TMEM62: variants seen among roughly 807,000 people sequenced by gnomAD.
TMEM62 encodes the protein transmembrane protein 62.
Under a neutral mutation model 70.4 loss-of-function variants are expected in TMEM62, and 41 were observed. That is an observed-to-expected ratio of 0.58 (90% CI 0.45 to 0.76). TMEM62 has a LOEUF of 0.76. Among genes scored for constraint, TMEM62 ranks in the 30% least tolerant of loss-of-function variants. TMEM62 has a pLI of 0.00. For missense variants in TMEM62, 688 were observed against 788.5 expected (o/e 0.87, Z 1.53); for synonymous variants, 268 against 291.0 (o/e 0.92, Z 0.80).
chr15:43,150,077 T>C (rs1009924064), intron 7 of TMEM62, among the ~76,000 whole-genome samples: 1 of 152,338 alleles, frequency 6.6e-6, no homozygotes, highest in African/African-American at 2.4e-5. Context: ...TCTCAGATAA[T>C]AGGTACTCAG....
At chr15:43,177,519 A>G (rs900665798) in intron 11 of TMEM62, among the ~76,000 whole-genome samples, 5 of 152,122 alleles carry the variant, frequency 3.3e-5, no homozygotes, top group Admixed American at 6.5e-5. Context: ...CCAAAAGACT[A>G]TAAATCATGC....
At position 43,184,638 on chromosome 15, in the gene TMEM62, T is replaced by C. The variant is rs2041727592; in HGVS notation, c.*52T>C. 2 of 1,538,020 alleles carry C rather than the reference T, an allele frequency of 1.3e-6. No homozygotes were observed. The highest frequency in any genetic ancestry group is 1.1e-5 in the South Asian group (1 of 87,208). Reference sequence around the variant, plus strand: ...GGCAGAAGCCCAGCCTCTGTGTCTGTAGCCCAGGCCTCTACCCCAGTAGCA... The same window carrying C: ...GGCAGAAGCCCAGCCTCTGTGTCTGCAGCCCAGGCCTCTACCCCAGTAGCA... On this transcript the variant is annotated 3_prime_UTR_variant, in exon 14 of 14. Coordinates refer to ENST00000260403, the MANE Select transcript of TMEM62 (RefSeq NM_024956.4).
chr15:43,163,137 T>C (rs963688675), intron 10 of TMEM62, among the ~76,000 whole-genome samples: 1 of 151,990 alleles, frequency 6.6e-6, no homozygotes, highest in East Asian at 1.9e-4. Context: ...TGGTAATTTA[T>C]ACTGTAGTTC....
At chr15:43,182,453 C>CTT (rs1216767686) in intron 13 of TMEM62, among the ~76,000 whole-genome samples, 6 of 142,122 alleles carry the variant, frequency 4.2e-5, no homozygotes, top group South Asian at 2.2e-4. Context: ...CTTTTCTTTT[C>CTT]TTTTTTTTTT....
chr15:43,161,203 C>A (rs2038665942), intron 10 of TMEM62, among the ~76,000 whole-genome samples: 1 of 152,012 alleles, frequency 6.6e-6, no homozygotes, highest in Admixed American at 6.6e-5. Flanking sequence ...AAAGTTGAAT[C>A]TTATAAAATT....
intron 12 of TMEM62, chr15:43,180,912 G>A: frequency 3.7e-6 from 1 of 272,048 alleles, no homozygotes; most frequent in Non-Finnish European, 6.9e-6. Context: ...AAATGTGAGT[G>A]TGCTTTTTTT....
At chr15:43,183,725 C>T (rs750060656) in intron 13 of TMEM62, among the ~76,000 whole-genome samples, 1 of 151,630 alleles carries the variant, frequency 6.6e-6, no homozygotes, top group Non-Finnish European at 1.5e-5. Context: ...GCCATTGTGT[C>T]CCCAACTTGG....
chr15:43,177,060 T>A (rs1315270705), intron 11 of TMEM62, among the ~76,000 whole-genome samples: 2 of 152,060 alleles, frequency 1.3e-5, no homozygotes, highest in Non-Finnish European at 2.9e-5. Flanking sequence ...CAGGAGCCGA[T>A]GCGATCAACT....
intron 13 of TMEM62, 183 bp from the exon 14 acceptor site, chr15:43,184,077 G>A (rs2041656756): frequency 1.6e-6 from 1 of 607,662 alleles, no homozygotes; most frequent in South Asian, 2.1e-5. Flanking sequence ...ATGAATAAAA[G>A]GACATGGGCA....
Position 43,162,433 on chromosome 15 carries a change from C to CTTTTTTTTTTTTTT in TMEM62, c.1296+1652_1296+1653insTTTTTTTTTTTTTT, listed in dbSNP as rs1169921008. On this transcript the variant is annotated intron_variant, in intron 10 of 13. Coordinates refer to ENST00000260403, the MANE Select transcript of TMEM62 (RefSeq NM_024956.4). ...CAGGCGTGAGCCACTGCCCCTGGCC[C>CTTTTTTTTTTTTTT]TTTTTTTTTTTTTGTTGAGCTGGAG... 8.6e-4 allele frequency among the ~76,000 whole-genome samples: 118 copies of CTTTTTTTTTTTTTT among 136,966 alleles called. 1 individual carries two copies. Among genetic ancestry groups the CTTTTTTTTTTTTTT allele is most frequent in the African/African-American group, 3.1e-3 (100 of 32,510 alleles). The allele number at this position is 136,966 out of a possible 152,430, so 89.9% of individuals were successfully genotyped here. A position where few individuals can be genotyped will look rare whatever the true frequency, so the allele number is the denominator to read the frequency against.
intron 11 of TMEM62, among the ~76,000 whole-genome samples, chr15:43,172,008 T>A (rs1467893381): frequency 1.3e-5 from 2 of 152,176 alleles, no homozygotes; most frequent in Non-Finnish European, 2.9e-5. Flanking sequence ...TATATTAACA[T>A]CTCATGAATA....
intron 10 of TMEM62, among the ~76,000 whole-genome samples, chr15:43,168,031 G>A (rs2039740040): frequency 6.6e-6 from 1 of 152,068 alleles, no homozygotes. Flanking sequence ...GGCTGAGGCA[G>A]GAGACTCAGG....
intron 9 of TMEM62, among the ~76,000 whole-genome samples, chr15:43,159,807 C>T (rs761164541): frequency 3.9e-5 from 6 of 152,170 alleles, no homozygotes; most frequent in East Asian, 3.9e-4. Flanking sequence ...ATTTTGAGAC[C>T]GCAACCTGGG....
In TMEM62 at chr15:43,134,015, G is replaced by T. The variant is rs548344578; in HGVS notation, c.180+33G>T. ...GGCGGGAAGCCGGGCCGGGAGGCAG[G>T]TGCAGATCGGGCACCGTGCGGTGGG... On this transcript the variant is annotated intron_variant, in intron 1 of 13. Transcript: ENST00000260403. The T allele has an allele frequency of 3.5e-5, 51 of 1,436,884 alleles. No individual in the cohort carries two copies. In the South Asian group the frequency reaches 5.9e-4, roughly 17 times the overall value. The allele number at this position is 1,436,884 out of a possible 1,614,324, so 89.0% of individuals were successfully genotyped here.
At chr15:43,164,063 C>A (rs1187375306) in intron 10 of TMEM62, among the ~76,000 whole-genome samples, 1 of 152,158 alleles carries the variant, frequency 6.6e-6, no homozygotes, top group East Asian at 1.9e-4. Flanking sequence ...AACAAAGTAT[C>A]CTTCTCCCAG....
chr15:43,178,712 G>A lies in TMEM62; in HGVS notation c.1486+1G>A, dbSNP rs748734924. The A allele has an allele frequency of 6.3e-7, 1 of 1,580,244 alleles. No individual in the cohort carries two copies. Among genetic ancestry groups the A allele is most frequent in the South Asian group, 1.1e-5 (1 of 87,222 alleles). ...TTGTTGACCCTGTATACAGTGCTGGGTAAGTAAATTAGTACAGATTATGGG... is the reference window on the plus strand; with the variant it reads ...TTGTTGACCCTGTATACAGTGCTGGATAAGTAAATTAGTACAGATTATGGG... On this transcript the variant is annotated splice_donor_variant, in intron 12 of 13. Coordinates refer to ENST00000260403, the MANE Select transcript of TMEM62 (RefSeq NM_024956.4). LOFTEE classifies it high-confidence loss of function.
At chr15:43,167,852 G>A (rs1015677887) in intron 10 of TMEM62, among the ~76,000 whole-genome samples, 7 of 152,222 alleles carry the variant, frequency 4.6e-5, no homozygotes, top group Admixed American at 1.3e-4. Flanking sequence ...CTGAGTGAAC[G>A]AGACTCCGTC....
chr15:43,144,009 A>T (rs1447075680), intron 4 of TMEM62, among the ~76,000 whole-genome samples: 1 of 152,266 alleles, frequency 6.6e-6, no homozygotes, highest in East Asian at 1.9e-4. Flanking sequence ...GGAAACAATT[A>T]GAAAATAACA....
At chr15:43,137,738 C>T (rs2035425970) in intron 3 of TMEM62, among the ~76,000 whole-genome samples, 1 of 152,244 alleles carries the variant, frequency 6.6e-6, no homozygotes, top group African/African-American at 2.4e-5. Flanking sequence ...CCATGGAAGG[C>T]TGGTCATACC....
Sources: gnomAD v4.1 joint callset for allele counts (sites outside exome capture counted in the v4.1 genomes callset) on GRCh38, gnomAD v4.1.1 for gene constraint, MANE v1.5 for transcripts, NCBI Gene and HGNC (gene_info 2026-07-23, HGNC 2026-07-21) for gene names.